Variants in RBKS observed in about 807,000 individuals in gnomAD.
RBKS encodes the protein ribokinase.
A neutral mutation model predicts 33.9 loss-of-function variants in RBKS; 33 were observed. The observed-to-expected ratio is 0.97, with a 90% confidence interval of 0.74 to 1.30. RBKS has a LOEUF of 1.30. Among genes scored for constraint, RBKS ranks in the 50% most tolerant of loss-of-function variants. The pLI is 0.00. For synonymous variants in RBKS, 125 were observed against 143.0 expected (o/e 0.87, Z 0.90); for missense variants, 361 against 392.6 (o/e 0.92, Z 0.68).
intron 7 of RBKS, among the ~76,000 whole-genome samples, chr2:27,823,333 T>C (rs537634203): frequency 6.6e-6 from 1 of 152,332 alleles, no homozygotes; most frequent in African/African-American, 2.4e-5. Flanking sequence ...AAACTGAATA[T>C]AGCAGTCTGC....
At chr2:27,796,138 A>G (rs548311337) in intron 7 of RBKS, among the ~76,000 whole-genome samples, 4 of 152,324 alleles carry the variant, frequency 2.6e-5, no homozygotes, top group Admixed American at 1.3e-4. Context: ...TGTTGAATCT[A>G]TTTATACCAC....
intron 7 of RBKS, among the ~76,000 whole-genome samples, chr2:27,794,543 T>C (rs1677605842): frequency 2.0e-5 from 3 of 151,720 alleles, no homozygotes; most frequent in African/African-American, 7.3e-5. Context: ...ATTGAGGCAG[T>C]TTCCGTTGTA....
chr2:27,870,513 G>A (rs530025773), intron 1 of RBKS: 9 of 233,614 alleles, frequency 3.9e-5, no homozygotes, highest in Non-Finnish European at 6.2e-5. Flanking sequence ...TGTGAGAGAA[G>A]ACATGTGTGC....
rs778610048 is a variant in RBKS at position 27,827,582 on chromosome 2, C to T, written c.780G>A (p.Lys260=). 2 of 1,592,502 alleles carry T rather than the reference C, an allele frequency of 1.3e-6. No homozygotes were observed. The highest frequency in any genetic ancestry group is 4.5e-5 in the East Asian group (2 of 44,042). ...EPKHIPTEKV[K]AVDTTGAGDS... is the part of the protein sequence containing the mutation. ...TAAAACTTACCGTGGTATCCACAGCCTTGACTTTCTCTGTGGGAATGTGCT... is the reference window on the plus strand; with the variant it reads ...TAAAACTTACCGTGGTATCCACAGCTTTGACTTTCTCTGTGGGAATGTGCT... Residue 260 remains lysine (K), a synonymous_variant, in exon 7 of 8, where the codon AAG becomes AAA. Transcript: ENST00000302188.
In RBKS at chr2:27,847,004, G is replaced by C. The variant is rs751227107; in HGVS notation, c.349+38C>G. On this transcript the variant is annotated intron_variant, in intron 4 of 7. Coordinates refer to ENST00000302188, the MANE Select transcript of RBKS (RefSeq NM_022128.3). Reference sequence around the variant, plus strand: ...TCTGATCTAACTCTGGAAATACACTGTCTTATGAAATGACACTCCAATATG... The same window carrying C: ...TCTGATCTAACTCTGGAAATACACTCTCTTATGAAATGACACTCCAATATG... The C allele has an allele frequency of 3.6e-6, 5 of 1,403,084 alleles. No individual in the cohort carries two copies. The South Asian group carries it at 5.8e-5, about 16-fold the overall frequency. 86.9% of individuals were successfully genotyped at this position (1,403,084 alleles called of 1,614,324 possible).
At chr2:27,854,150 A>G (rs1004846678) in intron 2 of RBKS, among the ~76,000 whole-genome samples, 2 of 152,256 alleles carry the variant, frequency 1.3e-5, no homozygotes, top group African/African-American at 4.8e-5. Flanking sequence ...TTTATAAAAT[A>G]CAATAACAAG....
At chr2:27,878,720 A>G (rs1279184581) in intron 1 of RBKS, among the ~76,000 whole-genome samples, 2 of 152,152 alleles carry the variant, frequency 1.3e-5, no homozygotes, top group Non-Finnish European at 2.9e-5. Context: ...AATGATTGCC[A>G]TTCTAACTGG....
chr2:27,880,118 CAT>C (rs1400717503), intron 1 of RBKS, among the ~76,000 whole-genome samples: 1 of 152,202 alleles, frequency 6.6e-6, no homozygotes, highest in Non-Finnish European at 1.5e-5. Context: ...GTTGGTTTGA[CAT>C]ATGCAAATCA....
At chr2:27,835,712 A>G (rs1036353381) in intron 5 of RBKS, among the ~76,000 whole-genome samples, 2 of 150,878 alleles carry the variant, frequency 1.3e-5, no homozygotes, top group Non-Finnish European at 2.9e-5. Context: ...GGTGTGAGCC[A>G]CCGTGCCCGG....
chr2:27,803,699 C>CA (rs10715321), intron 7 of RBKS, among the ~76,000 whole-genome samples: 132 of 125,548 alleles, frequency 1.1e-3, no homozygotes, highest in Admixed American at 3.1e-3. Flanking sequence ...GACTCTGTCT[C>CA]AAAAAAAAAA....
chr2:27,801,988 A>AT (rs1558536532), intron 7 of RBKS, among the ~76,000 whole-genome samples: 24 of 86,868 alleles, frequency 2.8e-4, no homozygotes, highest in African/African-American at 1.3e-3. Context: ...ATATATATAT[A>AT]TATATTTTTT....
chr2:27,809,064 G>T (rs1677943819), intron 7 of RBKS, among the ~76,000 whole-genome samples: 1 of 152,242 alleles, frequency 6.6e-6, no homozygotes, highest in African/African-American at 2.4e-5. Context: ...GTCAATATGG[G>T]CACATTAATG....
At chr2:27,811,304 G>A (rs1677981632) in intron 7 of RBKS, among the ~76,000 whole-genome samples, 1 of 152,160 alleles carries the variant, frequency 6.6e-6, no homozygotes, top group African/African-American at 2.4e-5. Context: ...TTGTGGCCAG[G>A]GACTGTCTTA....
chr2:27,791,134 A>G lies in RBKS; in HGVS notation c.796-9346T>C, dbSNP rs188745996. On this transcript the variant is annotated intron_variant, in intron 7 of 7. Transcript: ENST00000302188. Reference sequence around the variant, plus strand: ...GATAAAACAGCATGGATGAATCTCAAAAGAATTATGCTAAGTGGGAGAAGC... The same window carrying G: ...GATAAAACAGCATGGATGAATCTCAGAAGAATTATGCTAAGTGGGAGAAGC... Among the ~76,000 whole-genome samples, 265 of 152,328 alleles carry G rather than the reference A, an allele frequency of 1.7e-3. 1 individual carries two copies. Among genetic ancestry groups the G allele is most frequent in the Admixed American group, 5.8e-3 (88 of 15,298 alleles).
intron 7 of RBKS, among the ~76,000 whole-genome samples, chr2:27,786,508 C>T (rs996502428): frequency 2.9e-4 from 44 of 152,070 alleles, no homozygotes; most frequent in African/African-American, 9.9e-4. Flanking sequence ...TATGGCTGGG[C>T]GCGGTGGCTC....
chr2:27,817,257 GA>G, intron 7 of RBKS, among the ~76,000 whole-genome samples: 1 of 152,196 alleles, frequency 6.6e-6, no homozygotes, highest in Non-Finnish European at 1.5e-5. Context: ...GCTGGTTTGT[GA>G]ATGTTAAAAA....
chr2:27,830,183 T>G (rs1232281755), intron 6 of RBKS, among the ~76,000 whole-genome samples: 1 of 152,128 alleles, frequency 6.6e-6, no homozygotes, highest in Non-Finnish European at 1.5e-5. Flanking sequence ...TACATATCAG[T>G]GGTTTGTGTT....
chr2:27,872,683 A>G (rs974621534), intron 1 of RBKS, among the ~76,000 whole-genome samples: 5 of 152,236 alleles, frequency 3.3e-5, no homozygotes, highest in Non-Finnish European at 4.4e-5. Context: ...TAAAATACAT[A>G]AAACCAAAAA....
At chr2:27,873,312 A>G (rs558186502) in intron 1 of RBKS, among the ~76,000 whole-genome samples, 131 of 152,328 alleles carry the variant, frequency 8.6e-4, no homozygotes, top group African/African-American at 3.1e-3. Flanking sequence ...CACAGCTGCT[A>G]TTCTTGGGCA....
Sources: gnomAD v4.1 joint callset for allele counts (sites outside exome capture counted in the v4.1 genomes callset) on GRCh38, gnomAD v4.1.1 for gene constraint, MANE v1.5 for transcripts, NCBI Gene and HGNC (gene_info 2026-07-23, HGNC 2026-07-21) for gene names.